Variants in HVCN1 observed in about 807,000 individuals in gnomAD.
HVCN1 encodes hydrogen voltage gated channel 1, also known as voltage-gated hydrogen channel 1.
HVCN1 carries 14 observed loss-of-function variants against 29.2 expected under a neutral mutation model. The ratio of observed to expected loss-of-function variants is 0.48; its 90% CI spans 0.32 to 0.75. HVCN1 has a LOEUF of 0.75. Ranked by LOEUF, HVCN1 falls within the 30% of genes least tolerant of loss-of-function variation. The probability of loss-of-function intolerance (pLI) is 0.04; values close to 1 mark genes in which losing one functional copy is unlikely to be tolerated. For synonymous variants in HVCN1, 131 were observed against 133.2 expected (o/e 0.98, Z 0.11); for missense variants, 263 against 341.8 (o/e 0.77, Z 1.82).
chr12:110,651,115 C>G, intron 6 of HVCN1, 102 bp downstream of exon 6: 2 of 789,242 alleles, frequency 2.5e-6, no homozygotes, highest in South Asian at 3.2e-5. Flanking sequence ...ATAACAGGAG[C>G]CACTGTGAGC....
chr12:110,700,952 G>A (rs2069557777), intron 2 of HVCN1, among the ~76,000 whole-genome samples: 1 of 152,218 alleles, frequency 6.6e-6, no homozygotes, highest in Admixed American at 6.5e-5. Context: ...AACTCTTAGT[G>A]GAGAAGTCTC....
Position 110,676,835 on chromosome 12 carries a change from T to C in HVCN1, c.21+6390A>G, listed in dbSNP as rs2068765478. Among the ~76,000 whole-genome samples, 1 of 152,168 alleles carries C rather than the reference T, an allele frequency of 6.6e-6. No individual in the cohort carries two copies. Among genetic ancestry groups the C allele is most frequent in the Non-Finnish European group, 1.5e-5 (1 of 68,044 alleles). ...AATTAATCTGAGCCAGGAGCACATCTGCATGCGAGTCCCACAGGTCCTCCT... is the reference window on the plus strand; with the variant it reads ...AATTAATCTGAGCCAGGAGCACATCCGCATGCGAGTCCCACAGGTCCTCCT... On this transcript the variant is annotated intron_variant, in intron 3 of 7. Coordinates refer to ENST00000242607, the MANE Select transcript of HVCN1 (RefSeq NM_032369.4). The surrounding 1 kb of genome is among the most constrained non-coding windows in gnomAD (Gnocchi z 4.1).
rs2068046487 is a variant in HVCN1 at position 110,658,043 on chromosome 12, G to A, written c.307-2705C>T. ...ATGACGTGAGTGAAGTATGAAGGGC[G>A]CTTAGCACACGGCTGGCCTGCGGTG... On this transcript the variant is annotated intron_variant, in intron 4 of 7. Coordinates refer to ENST00000242607, the MANE Select transcript of HVCN1 (RefSeq NM_032369.4). The surrounding 1 kb of genome is among the most constrained non-coding windows in gnomAD (Gnocchi z 5.0). Among the ~76,000 whole-genome samples, 1 of 152,100 alleles carries A rather than the reference G, an allele frequency of 6.6e-6. No individual in the cohort carries two copies. Among genetic ancestry groups the A allele is most frequent in the Non-Finnish European group, 1.5e-5 (1 of 68,028 alleles).
At chr12:110,683,926 G>A (rs1175700384) in intron 2 of HVCN1, among the ~76,000 whole-genome samples, 35 of 105,748 alleles carry the variant, frequency 3.3e-4, no homozygotes, top group East Asian at 4.3e-4. Flanking sequence ...AAAAAAAAAA[G>A]GAAAAAAAAA....
At position 110,661,550 on chromosome 12, in the gene HVCN1, G is replaced by C. The variant is rs2068173004; in HGVS notation, c.22-102C>G. 3.6e-6 allele frequency: 4 copies of C among 1,124,604 alleles called. No individual in the cohort carries two copies. The allele number at this position is 1,124,604 out of a possible 1,614,324, so 69.7% of individuals were successfully genotyped here. A position where few individuals can be genotyped will look rare whatever the true frequency, so the allele number is the denominator to read the frequency against. ...CCACTGCAGGTGAAGATGGTCCCGGGTGCGTAGAACCCCCTGCAAGCAGAG... is the reference window on the plus strand; with the variant it reads ...CCACTGCAGGTGAAGATGGTCCCGGCTGCGTAGAACCCCCTGCAAGCAGAG... On this transcript the variant is annotated intron_variant, in intron 3 of 7. Coordinates refer to ENST00000242607, the MANE Select transcript of HVCN1 (RefSeq NM_032369.4). This position sits in a 1 kb window ranked among gnomAD's most constrained non-coding sequence, Gnocchi z 6.2.
chr12:110,681,898 A>G (rs1356096882), intron 3 of HVCN1, among the ~76,000 whole-genome samples: 1 of 152,050 alleles, frequency 6.6e-6, no homozygotes, highest in Non-Finnish European at 1.5e-5. Context: ...CACCTCACAT[A>G]TCAAAGACAC....
At chr12:110,703,419 A>G (rs1010995177) in intron 1 of HVCN1, among the ~76,000 whole-genome samples, 32 of 151,888 alleles carry the variant, frequency 2.1e-4, no homozygotes, top group African/African-American at 7.2e-4. Flanking sequence ...TTAAAAATTA[A>G]AAAAAATTTA....
chr12:110,666,820 TC>T (rs2136329032), intron 3 of HVCN1, among the ~76,000 whole-genome samples: 1 of 152,178 alleles, frequency 6.6e-6, no homozygotes, highest in South Asian at 2.1e-4. Flanking sequence ...TCAGTTCCCC[TC>T]CCATTTATAA....
upstream of HVCN1, among the ~76,000 whole-genome samples, chr12:110,690,711 C>T (rs1196599897): frequency 6.6e-6 from 1 of 152,130 alleles, no homozygotes; most frequent in Non-Finnish European, 1.5e-5. Flanking sequence ...CTCCTGACCT[C>T]AAGTGATCTG....
Position 110,661,553 on chromosome 12 carries a change from C to G in HVCN1, c.22-105G>C, listed in dbSNP as rs1439055741. ...CTGCAGGTGAAGATGGTCCCGGGTGCGTAGAACCCCCTGCAAGCAGAGACC... is the reference window on the plus strand; with the variant it reads ...CTGCAGGTGAAGATGGTCCCGGGTGGGTAGAACCCCCTGCAAGCAGAGACC... On this transcript the variant is annotated intron_variant, in intron 3 of 7. Transcript: ENST00000242607. This position sits in a 1 kb window ranked among gnomAD's most constrained non-coding sequence, Gnocchi z 6.2. 2 of 1,036,550 alleles carry G rather than the reference C, an allele frequency of 1.9e-6. No individual in the cohort carries two copies. Among genetic ancestry groups the G allele is most frequent in the Admixed American group, 5.0e-5 (2 of 40,016 alleles). The allele number at this position is 1,036,550 out of a possible 1,614,324, so 64.2% of individuals were successfully genotyped here. A position where few individuals can be genotyped will look rare whatever the true frequency, so the allele number is the denominator to read the frequency against.
intron 2 of HVCN1, among the ~76,000 whole-genome samples, chr12:110,683,973 G>A (rs1020078943): frequency 6.7e-5 from 10 of 148,950 alleles, no homozygotes; most frequent in Non-Finnish European, 1.3e-4. Context: ...TTATTACAAT[G>A]TAGATGAACC....
chr12:110,689,239 G>A (rs374995487), upstream of HVCN1: 1 of 150,598 alleles, frequency 6.6e-6, no homozygotes, highest in Non-Finnish European at 1.5e-5. This position sits in a 1 kb window ranked among gnomAD's most constrained non-coding sequence, Gnocchi z 5.7. Context: ...AACGGTCGGC[G>A]GGCTTCTAGG....
At chr12:110,652,887 C>T (rs2067861037) in intron 5 of HVCN1, among the ~76,000 whole-genome samples, 1 of 152,160 alleles carries the variant, frequency 6.6e-6, no homozygotes, top group South Asian at 2.1e-4. Flanking sequence ...AAAAATGCCC[C>T]TGGCCAGTGG....
chr12:110,696,694 C>T (rs1593553844), intron 2 of HVCN1, among the ~76,000 whole-genome samples: 1 of 152,248 alleles, frequency 6.6e-6, no homozygotes, highest in South Asian at 2.1e-4. Context: ...TGGTCTTTTG[C>T]GTCTGGTGTC....
chr12:110,651,192 C>T, intron 6 of HVCN1, 25 bp downstream of exon 6: 1 of 1,547,982 alleles, frequency 6.5e-7, no homozygotes, highest in East Asian at 2.2e-5. Context: ...TCTCCATCCA[C>T]AGCCTGGGAG....
At chr12:110,687,629 T>G (rs1189744157) in intron 2 of HVCN1, among the ~76,000 whole-genome samples, 1 of 151,798 alleles carries the variant, frequency 6.6e-6, no homozygotes, top group Admixed American at 6.6e-5. Flanking sequence ...CGGCAAGAGA[T>G]GCTGGCGGCC....
intron 3 of HVCN1, among the ~76,000 whole-genome samples, chr12:110,663,527 G>A (rs1182769949): frequency 6.9e-6 from 1 of 145,776 alleles, no homozygotes; most frequent in African/African-American, 2.5e-5. Context: ...TTGAGCTTGG[G>A]AGGTCGAGGC....
At chr12:110,663,757 C>T (rs1178810705) in intron 3 of HVCN1, among the ~76,000 whole-genome samples, 3 of 152,036 alleles carry the variant, frequency 2.0e-5, no homozygotes, top group Non-Finnish European at 2.9e-5. Flanking sequence ...TGTACCCACT[C>T]GGCAGCACTG....
At chr12:110,660,062 CCAAT>C (rs1019950211) in intron 4 of HVCN1, among the ~76,000 whole-genome samples, 17 of 150,730 alleles carry the variant, frequency 1.1e-4, no homozygotes, top group Non-Finnish European at 2.2e-4. Flanking sequence ...GACTCTGTCT[CCAAT>C]CAATCAATCA....
Sources: gnomAD v4.1 joint callset for allele counts (sites outside exome capture counted in the v4.1 genomes callset) on GRCh38, gnomAD v4.1.1 for gene constraint, Gnocchi (gnomAD v3.1) non-coding constraint, MANE v1.5 for transcripts, NCBI Gene and HGNC (gene_info 2026-07-23, HGNC 2026-07-21) for gene names.